The following ZMYM2 variants were observed in gnomAD, a reference collection of about 807,000 sequenced individuals.
ZMYM2 encodes zinc finger MYM-type protein 2.
A neutral mutation model predicts 162.8 loss-of-function variants in ZMYM2; 56 were observed. The observed-to-expected ratio is 0.34, with a 90% CI of 0.28 to 0.43. ZMYM2 has a LOEUF of 0.43. Ranked by LOEUF, ZMYM2 falls within the 20% of genes least tolerant of loss-of-function variation. ZMYM2 has a pLI of 1.00. For missense variants in ZMYM2, 1,275 were observed against 1,621.8 expected (o/e 0.79, Z 3.67); for synonymous variants, 510 against 541.6 (o/e 0.94, Z 0.81).
At chr13:19,996,801 G>T (rs542658397) in intron 3 of ZMYM2, among the ~76,000 whole-genome samples, 2 of 152,294 alleles carry the variant, frequency 1.3e-5, no homozygotes, top group East Asian at 1.9e-4. Context: ...CTGGAAGGTT[G>T]TTTTAAGTCT....
chr13:19,918,977 A>G, the ZMYM2 span, among the ~76,000 whole-genome samples: 1 of 152,076 alleles, frequency 6.6e-6, no homozygotes, highest in South Asian at 2.1e-4. Context: ...CTATCACCTC[A>G]AAGATGTCCC....
intron 12 of ZMYM2, among the ~76,000 whole-genome samples, chr13:20,048,012 A>T (rs1298226579): frequency 6.6e-6 from 1 of 152,036 alleles, no homozygotes; most frequent in East Asian, 1.9e-4. Flanking sequence ...TAATAGCTAG[A>T]AGGTGTTTGA....
At chr13:20,060,810 A>G (rs915512801) in intron 16 of ZMYM2, among the ~76,000 whole-genome samples, 13 of 152,242 alleles carry the variant, frequency 8.5e-5, no homozygotes, top group Admixed American at 7.2e-4. Flanking sequence ...CTTGGCTATT[A>G]TAGTCCCCTG....
chr13:19,875,542 C>T, the ZMYM2 span, among the ~76,000 whole-genome samples: 10 of 140,622 alleles, frequency 7.1e-5, no homozygotes, highest in African/African-American at 1.3e-4. Flanking sequence ...GCAGGAGAAT[C>T]GCTTGAACCC....
chr13:20,046,800 T>C (rs1420959014), intron 12 of ZMYM2, among the ~76,000 whole-genome samples: 1 of 151,756 alleles, frequency 6.6e-6, no homozygotes, highest in African/African-American at 2.4e-5. Context: ...ATTGTAGATG[T>C]CGTGTGTTCC....
At chr13:19,911,961 C>T in the ZMYM2 span, among the ~76,000 whole-genome samples, 1 of 152,218 alleles carries the variant, frequency 6.6e-6, no homozygotes, top group Non-Finnish European at 1.5e-5. Context: ...ACCACACCTC[C>T]ATTCAACTCA....
chr13:19,906,362 T>A, the ZMYM2 span, among the ~76,000 whole-genome samples: 1 of 142,866 alleles, frequency 7.0e-6, no homozygotes, highest in African/African-American at 2.6e-5. Context: ...TGTATATATA[T>A]ATGTATATAT....
intron 2 of ZMYM2, among the ~76,000 whole-genome samples, chr13:19,991,066 AC>A (rs1352276315): frequency 7.3e-6 from 1 of 136,510 alleles, no homozygotes; most frequent in African/African-American, 2.7e-5. Flanking sequence ...GTGTGTGTGT[AC>A]GTATGTATTT....
At chr13:19,988,430 G>C (rs1276238802) in intron 2 of ZMYM2, among the ~76,000 whole-genome samples, 1 of 152,042 alleles carries the variant, frequency 6.6e-6, no homozygotes, top group East Asian at 1.9e-4. Context: ...CAAATATTTG[G>C]GACAATTGTC....
chr13:19,878,217 T>A, the ZMYM2 span, among the ~76,000 whole-genome samples: 1 of 152,008 alleles, frequency 6.6e-6, no homozygotes, highest in South Asian at 2.1e-4. Context: ...CACACCCAGC[T>A]AATTTTTGTA....
chr13:19,890,893 T>A, the ZMYM2 span, among the ~76,000 whole-genome samples: 5 of 151,774 alleles, frequency 3.3e-5, no homozygotes, highest in Non-Finnish European at 7.4e-5. Flanking sequence ...AAAATTCAGC[T>A]ACAGCATTTT....
chr13:19,903,914 G>A, the ZMYM2 span, among the ~76,000 whole-genome samples: 3 of 151,906 alleles, frequency 2.0e-5, no homozygotes, highest in East Asian at 5.8e-4. Flanking sequence ...AGGTTTTTTG[G>A]GGGTGGTGTT....
intron 7 of ZMYM2, 165 bp downstream of exon 7, chr13:20,019,783 C>G (rs367818303): frequency 1.2e-5 from 7 of 602,606 alleles, no homozygotes; most frequent in South Asian, 1.1e-4. Context: ...ACATAGATTT[C>G]TAATTTCACT....
intron 2 of ZMYM2, among the ~76,000 whole-genome samples, chr13:19,981,346 T>A (rs986429426): frequency 6.6e-6 from 1 of 152,140 alleles, no homozygotes; most frequent in African/African-American, 2.4e-5. Flanking sequence ...ATATTTGATG[T>A]GTTTTAATTA....
intron 14 of ZMYM2, among the ~76,000 whole-genome samples, chr13:20,055,162 A>G (rs1955689578): frequency 6.6e-6 from 1 of 152,136 alleles, no homozygotes; most frequent in Non-Finnish European, 1.5e-5. Flanking sequence ...GCATTGGTGG[A>G]TGGTGGTGGT....
intron 21 of ZMYM2, among the ~76,000 whole-genome samples, chr13:20,069,068 T>C (rs1467146904): frequency 6.6e-6 from 1 of 152,212 alleles, no homozygotes; most frequent in Non-Finnish European, 1.5e-5. Flanking sequence ...TTTGCTCTTT[T>C]AGCTATTTCC....
Position 20,036,929 on chromosome 13 carries a change from C to G in ZMYM2, c.2292+20C>G, listed in dbSNP as rs771173778. 1.3e-6 allele frequency: 2 copies of G among 1,588,128 alleles called. No individual in the cohort carries two copies. Among genetic ancestry groups the G allele is most frequent in the Non-Finnish European group, 1.7e-6 (2 of 1,168,902 alleles). On this transcript the variant is annotated intron_variant, in intron 12 of 24. Coordinates refer to ENST00000610343, the MANE Select transcript of ZMYM2 (RefSeq NM_197968.4). ...TACAAGGCGAGTAACTCCTTTATTA[C>G]AGCAGCTACTTTAACCAGTCTTAAA...
At chr13:20,060,110 A>T (rs1956118476) in intron 16 of ZMYM2, among the ~76,000 whole-genome samples, 2 of 152,188 alleles carry the variant, frequency 1.3e-5, no homozygotes. Context: ...GTGGAACTTG[A>T]GTATGCATAG....
rs563826430 is a variant in ZMYM2 at position 20,077,289 on chromosome 13, G to A, written c.3454-4727G>A. 5.0e-4 allele frequency among the ~76,000 whole-genome samples: 75 copies of A among 150,498 alleles called. 5 individuals carry two copies. The highest frequency in any genetic ancestry group is 1.7e-3 in the African/African-American group (69 of 39,852). On this transcript the variant is annotated intron_variant, in intron 21 of 24. Transcript: ENST00000610343. ...CCACATACTATGCTACGTGCTTGAT[G>A]TGTCATTCAGTCCTCTCAACAACTT... is the stretch of plus-strand genomic sequence containing the variant.
Sources: allele counts gnomAD v4.1 joint callset (sites outside exome capture counted in the v4.1 genomes callset), GRCh38; gene constraint gnomAD v4.1.1; transcripts MANE v1.5; gene names NCBI Gene and HGNC (gene_info 2026-07-23, HGNC 2026-07-21).